SPPL2B: variants seen among roughly 807,000 people sequenced by gnomAD.
The protein encoded by SPPL2B is signal peptide peptidase like 2B, also known as signal peptide peptidase-like 2B.
Under a neutral mutation model 59.7 loss-of-function variants are expected in SPPL2B, and 39 were observed. The ratio of observed to expected loss-of-function variants is 0.65; its 90% confidence interval spans 0.51 to 0.85. The LOEUF (loss-of-function observed/expected upper bound fraction) is 0.85, where lower values mean the gene tolerates loss of function less well. Ranked by LOEUF, SPPL2B falls within the 40% of genes least tolerant of loss-of-function variation. SPPL2B has a pLI of 0.00. For missense variants in SPPL2B, 865 were observed against 849.0 expected, an observed-to-expected ratio of 1.02 and a Z score of -0.23; for synonymous variants, 419 against 370.8, an observed-to-expected ratio of 1.13 and a Z score of -1.49.
rs187169496 is a variant in SPPL2B, at chr19:2,354,962, G to A, written c.*1753G>A. On this transcript the variant is annotated 3_prime_UTR_variant, in exon 15 of 15. Transcript: ENST00000613503. The stretch of plus-strand genomic sequence containing the variant: ...CGGCCAGTGCTGTGAGGTGCCCAGC[G>A]TCACTCCCATGGGCTCTGTGGGCCA... Among the ~76,000 whole-genome samples, 485 of 152,334 alleles carry A rather than the reference G, an allele frequency of 3.2e-3. 1 individual carries two copies. The highest frequency in any genetic ancestry group is 0.011 in the African/African-American group (452 of 41,576).
intron 1 of SPPL2B, among the ~76,000 whole-genome samples, chr19:2,334,030 G>A (rs1968424664): frequency 6.6e-6 from 1 of 152,252 alleles, no homozygotes; most frequent in Admixed American, 6.5e-5. Flanking sequence ...GAGGGGTGCT[G>A]ATCTGGGGAT....
intron 12 of SPPL2B, 150 bp downstream of exon 12, chr19:2,344,802 C>T (rs957714199): frequency 8.6e-5 from 56 of 650,372 alleles, no homozygotes; most frequent in Non-Finnish European, 1.5e-4. Context: ...CCGTTGAGGC[C>T]TGGGTGCCTG....
intron 12 of SPPL2B, 87 bp downstream of exon 12, chr19:2,344,739 C>A: frequency 1.2e-6 from 1 of 832,162 alleles, no homozygotes; most frequent in Non-Finnish European, 2.0e-6. Context: ...GAGTGGCCCG[C>A]ACACCGTCGG....
chr19:2,339,095 G>C lies in SPPL2B; in HGVS notation c.486G>C (p.Ala162=), dbSNP rs1188327802. The C allele has an allele frequency of 6.4e-7, 1 of 1,568,234 alleles. No individual in the cohort carries two copies. The highest frequency in any genetic ancestry group is 1.2e-5 in the South Asian group (1 of 85,650). Residue 162 remains alanine (A), a synonymous_variant, in exon 5 of 15, where the codon GCG becomes GCC. Transcript: ENST00000613503. ...FTRFGRTVRA[A]LYAPKEPVLD... The stretch of plus-strand genomic sequence containing the variant: ...GTTTCGGCCGCACGGTGAGGGCGGC[G>C]CTGTATGCGCCTAAGGAGCCGGTGC...
Position 2,345,257 on chromosome 19 carries a change from G to C in SPPL2B, c.1281G>C (p.Leu427=). The C allele has an allele frequency of 6.2e-7, 1 of 1,612,088 alleles. No homozygotes were observed. ...LGFGDILVPG[L]LVAYCHRFDI... The stretch of plus-strand genomic sequence containing the variant: ...TCCGCCCTGTGCCTCCCCCAGGGCT[G>C]CTGGTGGCCTACTGCCACAGGTTTG... The change falls in exon 13 of 15, where the codon CTG becomes CTC. Residue 427 remains leucine, a synonymous_variant. Coordinates refer to ENST00000613503, the MANE Select transcript of SPPL2B (RefSeq NM_152988.3).
In SPPL2B at chr19:2,332,500, C is replaced by G. The variant is rs187175620; in HGVS notation, c.67-2102C>G. ...CCCGTTTGGTGCGCAGCTCAGCATC[C>G]GTTCAGACATGTGGCTGCCATCCTG... On this transcript the variant is annotated intron_variant, in intron 1 of 14. Coordinates refer to ENST00000613503, the MANE Select transcript of SPPL2B (RefSeq NM_152988.3). This position sits in a 1 kb window ranked among gnomAD's most constrained non-coding sequence, Gnocchi z 4.6. 5.9e-5 allele frequency among the ~76,000 whole-genome samples: 9 copies of G among 152,346 alleles called. No homozygotes were observed. The East Asian group carries it at 7.7e-4, about 13-fold the overall frequency.
rs1314654368 is a variant in SPPL2B at position 2,340,901 on chromosome 19, C to A, written c.843C>A (p.Ile281=). 1 of 1,587,042 alleles carries A rather than the reference C, an allele frequency of 6.3e-7. No homozygotes were observed. Among genetic ancestry groups the A allele is most frequent in the South Asian group, 1.1e-5 (1 of 89,094 alleles). Residue 281 remains isoleucine, a synonymous_variant, in exon 8 of 15, where the codon ATC becomes ATA. Transcript: ENST00000613503. ...VRRLPFGKCR[I]PNNSLPYFHK... ...CTGACTGCCCCGTGCCCCCCAGGAT[C>A]CCCAACAACAGCCTGCCCTACTTCC...
At chr19:2,329,079 C>T (rs527796346) in intron 1 of SPPL2B, among the ~76,000 whole-genome samples, 1 of 152,358 alleles carries the variant, frequency 6.6e-6, no homozygotes, top group Admixed American at 6.5e-5. Flanking sequence ...TCGGGGTCTC[C>T]AGTTGCCGCC....
In SPPL2B at chr19:2,344,047, A is replaced by C. The variant is rs765765493; in HGVS notation, c.1113+8A>C. ...ACGCCCTTCCTGACCAAGGTAGGCG[A>C]CTGCCTGTCCCTGCTCCACCCCATC... On this transcript the variant is annotated splice_region_variant and intron_variant, in intron 10 of 14. Coordinates refer to ENST00000613503, the MANE Select transcript of SPPL2B (RefSeq NM_152988.3). The C allele has an allele frequency of 6.5e-7, 1 of 1,541,694 alleles. No individual in the cohort carries two copies. The highest frequency in any genetic ancestry group is 1.2e-5 in the South Asian group (1 of 83,802).
At position 2,328,737 on chromosome 19, in the gene SPPL2B, G is replaced by T. The variant is rs920144085; in HGVS notation, c.28G>T (p.Ala10Ser). Residue 10 changes from alanine to serine, a missense_variant, in exon 1 of 15, where the codon GCG becomes TCG. Coordinates refer to ENST00000613503, the MANE Select transcript of SPPL2B (RefSeq NM_152988.3). MAAAVAAALARLLAAFLLLA... is the reference protein window; with the variant it reads MAAAVAAALSRLLAAFLLLA... ...GGCGGCAGCGGTGGCGGCTGCGCTGGCGCGGCTTTTGGCGGCCTTTCTGCT... is the reference window on the plus strand; with the variant it reads ...GGCGGCAGCGGTGGCGGCTGCGCTGTCGCGGCTTTTGGCGGCCTTTCTGCT... The T allele has an allele frequency of 4.1e-6, 6 of 1,462,074 alleles. No homozygotes were observed. Among genetic ancestry groups the T allele is most frequent in the Non-Finnish European group, 4.5e-6 (5 of 1,115,108 alleles). The allele number at this position is 1,462,074 out of a possible 1,614,324, so 90.6% of individuals were successfully genotyped here.
At chr19:2,351,767 G>T in intron 14 of SPPL2B, 173 bp downstream of exon 14, 1 of 875,832 alleles carries the variant, frequency 1.1e-6, no homozygotes, top group South Asian at 1.8e-5. Context: ...GGAAGGACGT[G>T]CGTGCAGCTC....
chr19:2,348,678 C>G (rs1377380738), intron 13 of SPPL2B, among the ~76,000 whole-genome samples: 1 of 80,132 alleles, frequency 1.2e-5, no homozygotes, highest in Non-Finnish European at 2.8e-5. Flanking sequence ...CACACACTCA[C>G]GCTCTCATTC....
intron 3 of SPPL2B, 171 bp downstream of exon 3, chr19:2,337,796 T>C (rs1389677290): frequency 1.5e-6 from 1 of 666,008 alleles, no homozygotes; most frequent in African/African-American, 1.8e-5. Flanking sequence ...GGGCCGAGTG[T>C]GGCCGTGGGG....
At chr19:2,344,317 C>T in intron 10 of SPPL2B, 45 bp from the exon 11 acceptor site, 3 of 1,058,454 alleles carry the variant, frequency 2.8e-6, no homozygotes, top group Non-Finnish European at 4.1e-6. Context: ...CCCCTGCCCC[C>T]CCACCCCATC....
At chr19:2,340,773 A>T (rs1805712646) in intron 7 of SPPL2B, 125 bp from the exon 8 acceptor site, 1 of 614,028 alleles carries the variant, frequency 1.6e-6, no homozygotes, top group Non-Finnish European at 2.9e-6. Context: ...TGTGGAGTTT[A>T]ATGAGGACAA....
At chr19:2,338,572 T>A in intron 3 of SPPL2B, 180 bp from the exon 4 acceptor site, 2 of 548,166 alleles carry the variant, frequency 3.6e-6, no homozygotes, top group Non-Finnish European at 6.6e-6. Flanking sequence ...TCGGCCTCCC[T>A]GTTCTTGGGT....
intron 8 of SPPL2B, 73 bp downstream of exon 8, chr19:2,341,087 C>A: frequency 9.3e-7 from 1 of 1,070,312 alleles, no homozygotes; most frequent in Non-Finnish European, 1.4e-6. Context: ...GGGGCCCTGA[C>A]TCCCTGCCCT....
intron 8 of SPPL2B, chr19:2,341,527 T>TC (rs1969055093): frequency 2.2e-6 from 1 of 447,356 alleles, no homozygotes; most frequent in Non-Finnish European, 4.6e-6. Context: ...TGGCCGGGCC[T>TC]CCCCCATGAG....
chr19:2,345,828 C>T (rs1969337742), intron 13 of SPPL2B, among the ~76,000 whole-genome samples: 1 of 149,282 alleles, frequency 6.7e-6, no homozygotes, highest in African/African-American at 2.5e-5. Flanking sequence ...TGGGTCCGTG[C>T]CTCCGTCCCT....
Sources: allele counts gnomAD v4.1 joint callset (sites outside exome capture counted in the v4.1 genomes callset), GRCh38; gene constraint gnomAD v4.1.1; non-coding constraint Gnocchi (gnomAD v3.1); transcripts MANE v1.5; gene names NCBI Gene and HGNC (gene_info 2026-07-23, HGNC 2026-07-21).